Variants in ANO1 observed in about 807,000 individuals in gnomAD.
The protein encoded by ANO1 is anoctamin 1, also known as anoctamin-1.
In ANO1, 59 loss-of-function variants were observed where a neutral mutation model predicts 124.0. The ratio of observed to expected loss-of-function variants is 0.48; its 90% CI spans 0.39 to 0.59. The LOEUF (loss-of-function observed/expected upper bound fraction) is 0.59, where lower values mean the gene tolerates loss of function less well. Ranked by LOEUF, ANO1 falls within the 20% of genes least tolerant of loss-of-function variation. The pLI, the probability that ANO1 is intolerant of heterozygous loss-of-function variation, is 0.00. For synonymous variants in ANO1, 529 were observed against 532.0 expected (o/e 0.99, Z 0.08); for missense variants, 1,059 against 1,328.0 (o/e 0.80, Z 3.15).
rs144938560 is a variant in ANO1 at position 70,028,712 on chromosome 11, G to A, written c.58+42546G>A. Reference sequence around the variant, plus strand: ...CGCGAGCATAGCAGGGGCAGACTTGGGTCCTCTGCTCCGTGCTCTGACAGA... The same window carrying A: ...CGCGAGCATAGCAGGGGCAGACTTGAGTCCTCTGCTCCGTGCTCTGACAGA... On this transcript the variant is annotated intron_variant, in intron 1 of 27. Coordinates refer to the ANO1 transcript ENST00000531349. Among the ~76,000 whole-genome samples, 625 of 152,194 alleles carry A rather than the reference G, an allele frequency of 4.1e-3. 3 individuals are homozygous for A. Among genetic ancestry groups the A allele is most frequent in the Admixed American group, 6.5e-3 (100 of 15,276 alleles).
At chr11:70,073,814 T>C (rs2044018088), upstream of ANO1, among the ~76,000 whole-genome samples, 1 of 151,760 alleles carries the variant, frequency 6.6e-6, no homozygotes, top group Admixed American at 6.6e-5. Context: ...ATGGATTCTG[T>C]TGGAGGAAAA....
rs745702752 is a variant in ANO1 at position 70,171,058 on chromosome 11, C to A, written c.2350+19C>A. The A allele has an allele frequency of 1.2e-6, 2 of 1,608,078 alleles. No individual in the cohort carries two copies. Among genetic ancestry groups the A allele is most frequent in the East Asian group, 4.5e-5 (2 of 44,644 alleles). On this transcript the variant is annotated intron_variant, in intron 22 of 25. Transcript: ENST00000355303. ...GACATCGGTGAGTGACCCCACGGGC[C>A]GGCAGAACCGGTTCCGAGTGCGTGC...
intron 12 of ANO1, among the ~76,000 whole-genome samples, chr11:70,150,490 G>A (rs974030867): frequency 6.6e-6 from 1 of 152,184 alleles, no homozygotes; most frequent in Non-Finnish European, 1.5e-5. Context: ...TCATGCACGC[G>A]CTGTAAGGTG....
chr11:70,144,665 G>A (rs1237032290), intron 11 of ANO1, among the ~76,000 whole-genome samples: 2 of 152,242 alleles, frequency 1.3e-5, no homozygotes, highest in African/African-American at 4.8e-5. Context: ...CCTCTGTGCT[G>A]TGTGCTGTGG....
chr11:70,062,221 C>T (rs566073931), intron 1 of ANO1, among the ~76,000 whole-genome samples: 54 of 151,920 alleles, frequency 3.6e-4, no homozygotes, highest in African/African-American at 1.2e-3. Flanking sequence ...GAATTACAGA[C>T]GCGTACCACC....
At chr11:70,115,616 A>C (rs2045944932) in intron 7 of ANO1, among the ~76,000 whole-genome samples, 1 of 151,910 alleles carries the variant, frequency 6.6e-6, no homozygotes, top group African/African-American at 2.4e-5. Context: ...CCATCTCAAA[A>C]ACAAAAACAA....
chr11:70,013,424 A>G (rs1014510037), intron 1 of ANO1, among the ~76,000 whole-genome samples: 2 of 152,138 alleles, frequency 1.3e-5, no homozygotes, highest in African/African-American at 4.8e-5. Flanking sequence ...TCTATCATAC[A>G]TAGAGAAAAG....
At chr11:70,098,134 G>A (rs770238526) in intron 2 of ANO1, among the ~76,000 whole-genome samples, 17 of 152,222 alleles carry the variant, frequency 1.1e-4, no homozygotes, top group African/African-American at 2.9e-4. Context: ...GCAGCCCCGC[G>A]TCCTCGTGGA....
chr11:70,044,534 A>G (rs1857229634), intron 1 of ANO1, among the ~76,000 whole-genome samples: 1 of 152,180 alleles, frequency 6.6e-6, no homozygotes, highest in Non-Finnish European at 1.5e-5. Flanking sequence ...ATAGGAATCT[A>G]TTAGTCCAAA....
intron 1 of ANO1, among the ~76,000 whole-genome samples, chr11:70,001,127 G>A: frequency 6.6e-6 from 1 of 152,226 alleles, no homozygotes; most frequent in East Asian, 1.9e-4. Flanking sequence ...CACTTCTGGA[G>A]GCTGCTCCTG....
At chr11:70,144,209 T>C (rs908374896) in intron 11 of ANO1, among the ~76,000 whole-genome samples, 2 of 152,256 alleles carry the variant, frequency 1.3e-5, no homozygotes, top group African/African-American at 4.8e-5. Context: ...GCCTCTGTCC[T>C]GTGCTGAGCC....
chr11:70,044,809 A>C (rs140701027), intron 1 of ANO1, among the ~76,000 whole-genome samples: 193 of 152,318 alleles, frequency 1.3e-3, no homozygotes, highest in Non-Finnish European at 3.7e-4. Context: ...GTTCCGGATT[A>C]ACAGAGACTA....
chr11:70,188,072 C>T lies in ANO1; in HGVS notation c.*68C>T, dbSNP rs1231289134. 1.3e-5 allele frequency: 20 copies of T among 1,496,578 alleles called. No homozygotes were observed. The highest frequency in any genetic ancestry group is 2.8e-5 in the African/African-American group (2 of 72,002). 92.7% of individuals were successfully genotyped at this position (1,496,578 alleles called of 1,614,324 possible). A position where few individuals can be genotyped will look rare whatever the true frequency, so the allele number is the denominator to read the frequency against. On this transcript the variant is annotated 3_prime_UTR_variant, in exon 26 of 26. Coordinates refer to ENST00000355303, the MANE Select transcript of ANO1 (RefSeq NM_018043.7). Reference sequence around the variant, plus strand: ...GATGGGCACCCTCTCCCAGGGCAGGCGGCTTCCCGCTCCCACCAGGGCCCG... The same window carrying T: ...GATGGGCACCCTCTCCCAGGGCAGGTGGCTTCCCGCTCCCACCAGGGCCCG...
chr11:70,140,162 A>T (rs1384832284), intron 11 of ANO1, among the ~76,000 whole-genome samples: 1 of 152,140 alleles, frequency 6.6e-6, no homozygotes, highest in Non-Finnish European at 1.5e-5. Context: ...ACCCCAGGAG[A>T]GGGTTTTTGG....
intron 1 of ANO1, among the ~76,000 whole-genome samples, chr11:70,021,399 C>T (rs1461363072): frequency 1.3e-5 from 2 of 152,006 alleles, no homozygotes; most frequent in African/African-American, 2.4e-5. Flanking sequence ...TTCACTCCCA[C>T]CCCTTCTTTT....
rs369030172 is a variant in ANO1 at position 69,994,110 on chromosome 11, C to G, written c.58+7944C>G. 6.5e-3 allele frequency among the ~76,000 whole-genome samples: 987 copies of G among 151,676 alleles called. 9 individuals are homozygous for G. Among genetic ancestry groups the G allele is most frequent in the Middle Eastern group, 0.028 (8 of 290 alleles). On this transcript the variant is annotated intron_variant, in intron 1 of 27. Transcript: ENST00000531349. ...ACCCCCAATTTGTCGTTAACCCCCCCCCACAGTCACAGCTGGAAGGGACCT... is the reference window on the plus strand; with the variant it reads ...ACCCCCAATTTGTCGTTAACCCCCCGCCACAGTCACAGCTGGAAGGGACCT...
intron 2 of ANO1, among the ~76,000 whole-genome samples, chr11:70,089,703 G>T (rs1475749028): frequency 1.3e-5 from 2 of 152,176 alleles, no homozygotes; most frequent in Non-Finnish European, 2.9e-5. Flanking sequence ...CCCTGCCTTT[G>T]GGGGCAGCTG....
At chr11:70,169,570 A>G (rs1335362027) in intron 21 of ANO1, among the ~76,000 whole-genome samples, 3 of 151,802 alleles carry the variant, frequency 2.0e-5, no homozygotes, top group African/African-American at 7.3e-5. Flanking sequence ...CTGCTGAGTG[A>G]CCCACAGCCT....
At chr11:70,127,345 A>T (rs1481029181) in intron 10 of ANO1, among the ~76,000 whole-genome samples, 2 of 152,186 alleles carry the variant, frequency 1.3e-5, no homozygotes, top group African/African-American at 4.8e-5. Flanking sequence ...GCCCCGAGAA[A>T]TTCTGCAGGA....
Sources: gnomAD v4.1 joint callset for allele counts (sites outside exome capture counted in the v4.1 genomes callset) on GRCh38, gnomAD v4.1.1 for gene constraint, MANE v1.5 for transcripts, NCBI Gene and HGNC (gene_info 2026-07-23, HGNC 2026-07-21) for gene names.